The following MYRFL variants were observed in gnomAD, a reference collection of about 807,000 sequenced individuals.
MYRFL encodes myelin regulatory factor like.
In MYRFL, 88 loss-of-function variants were observed where a neutral mutation model predicts 109.4. That is an observed-to-expected ratio of 0.80 (90% CI 0.68 to 0.96). The LOEUF (loss-of-function observed/expected upper bound fraction) is 0.96. MYRFL is among the 40% of genes least tolerant of loss of function. The probability of loss-of-function intolerance (pLI) is 0.00; values close to 1 mark genes in which losing one functional copy is unlikely to be tolerated. For missense variants in MYRFL, 957 were observed against 954.9 expected, an observed-to-expected ratio of 1.00 and a Z score of -0.03; for synonymous variants, 324 against 320.9, an observed-to-expected ratio of 1.01 and a Z score of -0.10.
intron 1 of MYRFL, among the ~76,000 whole-genome samples, chr12:69,830,320 G>A (rs1327017848): frequency 6.6e-6 from 1 of 150,828 alleles, no homozygotes; most frequent in African/African-American, 2.4e-5. Flanking sequence ...TATCTGTATG[G>A]ATATATTCTA....
intron 13 of MYRFL, among the ~76,000 whole-genome samples, chr12:69,913,210 T>C (rs955892728): frequency 6.6e-6 from 1 of 152,218 alleles, no homozygotes; most frequent in African/African-American, 2.4e-5. Flanking sequence ...ATTAATCCCT[T>C]ATGAGATATA....
chr12:69,922,426 T>C (rs1954942295), intron 13 of MYRFL, among the ~76,000 whole-genome samples: 1 of 152,190 alleles, frequency 6.6e-6, no homozygotes, highest in Non-Finnish European at 1.5e-5. Flanking sequence ...TTTGTTTTTG[T>C]TTTGTGATTT....
intron 10 of MYRFL, among the ~76,000 whole-genome samples, chr12:69,899,221 C>T (rs1954105420): frequency 6.9e-6 from 1 of 144,506 alleles, no homozygotes; most frequent in African/African-American, 2.6e-5. Flanking sequence ...ACCATTCATC[C>T]CCCCACTAGA....
chr12:69,955,349 CT>C lies in MYRFL; in HGVS notation c.2376-11del. ...ATATTTTGATTTGTGGTTTTATTTT[CT>C]TTCCATAATTAGATCTGGAAATTAT... On this transcript the variant is annotated splice_polypyrimidine_tract_variant and intron_variant, in intron 21 of 24. Transcript: ENST00000552032. The C allele has an allele frequency of 1.6e-6, 1 of 621,580 alleles. No individual in the cohort carries two copies. The highest frequency in any genetic ancestry group is 2.8e-6 in the Non-Finnish European group (1 of 352,608). The allele number at this position is 621,580 out of a possible 1,614,324, so 38.5% of individuals were successfully genotyped here. A position where few individuals can be genotyped will look rare whatever the true frequency, so the allele number is the denominator to read the frequency against.
In MYRFL at chr12:69,938,557, A is replaced by T. The variant is rs555102956; in HGVS notation, c.2224+1925A>T. ...CATAAGATAATAATTGAGCTGAAAA[A>T]TTATTATTGCCTGGTGATGTCTTGA... On this transcript the variant is annotated intron_variant, in intron 19 of 24. Transcript: ENST00000552032. Among the ~76,000 whole-genome samples the T allele has an allele frequency of 5.3e-5, 8 of 152,302 alleles. No individual in the cohort carries two copies. The South Asian group carries it at 1.4e-3, about 28-fold the overall frequency.
At chr12:69,837,797 C>A (rs566295506) in intron 1 of MYRFL, among the ~76,000 whole-genome samples, 1 of 152,280 alleles carries the variant, frequency 6.6e-6, no homozygotes, top group Admixed American at 6.5e-5. Flanking sequence ...CCCTCAGGGG[C>A]TCCCAGTGTG....
intron 1 of MYRFL, among the ~76,000 whole-genome samples, chr12:69,832,061 A>G (rs777293378): frequency 6.6e-6 from 1 of 152,150 alleles, no homozygotes; most frequent in African/African-American, 2.4e-5. Context: ...GGAGCTGGCA[A>G]GTTTTGGTTG....
At chr12:69,919,546 C>A in intron 13 of MYRFL, among the ~76,000 whole-genome samples, 1 of 152,182 alleles carries the variant, frequency 6.6e-6, no homozygotes, top group East Asian at 1.9e-4. Context: ...TGAAAAGCCA[C>A]CTGGAAGTCT....
intron 21 of MYRFL, 54 bp downstream of exon 21, chr12:69,952,940 C>A: frequency 1.5e-6 from 2 of 1,300,040 alleles, no homozygotes; most frequent in Non-Finnish European, 2.1e-6. Flanking sequence ...ACCCATGGCT[C>A]TGGGTTTTTA....
At chr12:69,915,731 A>G (rs912739385) in intron 13 of MYRFL, among the ~76,000 whole-genome samples, 1 of 152,100 alleles carries the variant, frequency 6.6e-6, no homozygotes, top group Non-Finnish European at 1.5e-5. Flanking sequence ...AGTGACACTG[A>G]AAGCAAGGGG....
chr12:69,955,983 A>G (rs1202550357), intron 22 of MYRFL, among the ~76,000 whole-genome samples: 1 of 152,166 alleles, frequency 6.6e-6, no homozygotes, highest in Non-Finnish European at 1.5e-5. Context: ...TAATATAAGT[A>G]TTACATGACA....
chr12:69,908,610 C>T (rs964015375), intron 11 of MYRFL, among the ~76,000 whole-genome samples: 5 of 152,324 alleles, frequency 3.3e-5, no homozygotes, highest in Admixed American at 6.5e-5. Context: ...ATATTTTCAA[C>T]ACCTCCTCAG....
chr12:69,865,189 T>G (rs868420932), intron 2 of MYRFL, among the ~76,000 whole-genome samples: 26 of 152,206 alleles, frequency 1.7e-4, no homozygotes, highest in African/African-American at 5.5e-4. Flanking sequence ...GCAGGAGTCT[T>G]CAGAAATGAA....
chr12:69,840,228 G>T (rs1366081959), intron 1 of MYRFL, among the ~76,000 whole-genome samples: 1 of 152,142 alleles, frequency 6.6e-6, no homozygotes, highest in Non-Finnish European at 1.5e-5. Context: ...CTGAATGTAT[G>T]TCCAGTTTGC....
rs140497911 is a variant in MYRFL at position 69,840,979 on chromosome 12, G to T, written c.47-14301G>T. 4.6e-3 allele frequency among the ~76,000 whole-genome samples: 696 copies of T among 152,302 alleles called. 7 individuals are homozygous for T. The highest frequency in any genetic ancestry group is 0.016 in the African/African-American group (650 of 41,574). ...AAATTCCAGGTGATTCATGTCATGT[G>T]AAAGTCCAGCCAGAGACAGTCTTTT... On this transcript the variant is annotated intron_variant, in intron 1 of 24. Transcript: ENST00000552032.
At chr12:69,838,246 A>G (rs1883058837) in intron 1 of MYRFL, among the ~76,000 whole-genome samples, 2 of 152,144 alleles carry the variant, frequency 1.3e-5, no homozygotes. Flanking sequence ...TTAACACTGT[A>G]CATTCCAGGT....
chr12:69,926,815 T>G, intron 14 of MYRFL, 81 bp downstream of exon 14: 1 of 1,210,208 alleles, frequency 8.3e-7, no homozygotes, highest in Middle Eastern at 2.1e-4. Flanking sequence ...ATCTAAATGG[T>G]CTTTTTGATC....
At chr12:69,952,019 C>CACTCAACT in intron 19 of MYRFL, 94 bp from the exon 20 acceptor site, 1 of 977,656 alleles carries the variant, frequency 1.0e-6, no homozygotes, top group Non-Finnish European at 1.5e-6. Flanking sequence ...GGTGGGGGAA[C>CACTCAACT]ACTCAACTCA....
At chr12:69,945,878 T>G (rs1156935777) in intron 19 of MYRFL, among the ~76,000 whole-genome samples, 10 of 141,028 alleles carry the variant, frequency 7.1e-5, no homozygotes, top group African/African-American at 2.1e-4. Context: ...TCCCAGCTAC[T>G]TGGGAGGCTG....
Sources: allele counts gnomAD v4.1 joint callset (sites outside exome capture counted in the v4.1 genomes callset), GRCh38; gene constraint gnomAD v4.1.1; transcripts MANE v1.5; gene names NCBI Gene and HGNC (gene_info 2026-07-23, HGNC 2026-07-21).